NAT1: variants seen among roughly 807,000 people sequenced by gnomAD.
NAT1 encodes arylamine N-acetyltransferase 1.
For missense variants in NAT1, 400 were observed against 339.2 expected, an observed-to-expected ratio of 1.18 and a Z score of -1.41; for synonymous variants, 144 against 122.6, an observed-to-expected ratio of 1.17 and a Z score of -1.16.
chr8:18,210,524 T>C (rs1295252156), intron 1 of NAT1, among the ~76,000 whole-genome samples: 2 of 152,218 alleles, frequency 1.3e-5, no homozygotes, highest in Non-Finnish European at 2.9e-5. Flanking sequence ...TACATACGTG[T>C]ATTAAAAGAT....
intron 2 of NAT1, among the ~76,000 whole-genome samples, chr8:18,176,304 T>A (rs79690638): frequency 3.2e-3 from 483 of 152,204 alleles, no homozygotes; most frequent in African/African-American, 0.011. Context: ...ATGGAGAGTA[T>A]CCTCAATTTG....
At chr8:18,191,028 T>C (rs1802962353) in intron 2 of NAT1, among the ~76,000 whole-genome samples, 1 of 150,982 alleles carries the variant, frequency 6.6e-6, no homozygotes, top group African/African-American at 2.4e-5. Context: ...ATCACACCAC[T>C]GTGCTTCTGC....
chr8:18,197,035 C>T (rs1767324030), intron 2 of NAT1, among the ~76,000 whole-genome samples: 1 of 152,082 alleles, frequency 6.6e-6, no homozygotes, highest in African/African-American at 2.4e-5. Context: ...AACTTAAAAC[C>T]ACGGCGGAAG....
At chr8:18,183,579 T>C (rs573794232) in intron 2 of NAT1, among the ~76,000 whole-genome samples, 2 of 152,300 alleles carry the variant, frequency 1.3e-5, no homozygotes, top group Non-Finnish European at 2.9e-5. Context: ...GTCAGAAGAA[T>C]CTTCCTAGAT....
intron 2 of NAT1, among the ~76,000 whole-genome samples, chr8:18,195,606 A>T (rs143937994): frequency 1.6e-4 from 25 of 152,192 alleles, no homozygotes; most frequent in African/African-American, 4.6e-4. Context: ...TTTTTTTCTG[A>T]TTCAAAATGC....
intron 2 of NAT1, among the ~76,000 whole-genome samples, chr8:18,188,624 A>C (rs541298900): frequency 6.6e-6 from 1 of 152,150 alleles, no homozygotes; most frequent in Non-Finnish European, 1.5e-5. Context: ...AAAGTAAAAA[A>C]TAGTGGCTTT....
chr8:18,181,760 A>G (rs924287955), intron 2 of NAT1, among the ~76,000 whole-genome samples: 1 of 152,080 alleles, frequency 6.6e-6, no homozygotes, highest in African/African-American at 2.4e-5. Flanking sequence ...TTCCATATCC[A>G]GTTTGTTGAG....
At chr8:18,204,565 G>GAA (rs58348621) in intron 2 of NAT1, among the ~76,000 whole-genome samples, 115,040 of 151,924 alleles carry the variant, frequency 0.76, 44,203 homozygotes, top group African/African-American at 0.91. Context: ...ATATGATACA[G>GAA]AACAAAATAT....
At chr8:18,181,892 G>A (rs1802537909) in intron 2 of NAT1, among the ~76,000 whole-genome samples, 1 of 152,152 alleles carries the variant, frequency 6.6e-6, no homozygotes, top group Non-Finnish European at 1.5e-5. Flanking sequence ...CTGTCCCAGG[G>A]AAGGTCTAAA....
chr8:18,193,972 C>T (rs1189139196), intron 2 of NAT1, among the ~76,000 whole-genome samples: 2 of 152,122 alleles, frequency 1.3e-5, no homozygotes, highest in African/African-American at 2.4e-5. Flanking sequence ...CAAAAATATA[C>T]ACGGTTGCAT....
chr8:18,202,478 C>T (rs527999431), intron 2 of NAT1, among the ~76,000 whole-genome samples: 79 of 152,324 alleles, frequency 5.2e-4, no homozygotes, highest in Non-Finnish European at 9.0e-4. Context: ...AATGAAGCTG[C>T]GGACCTTTGC....
chr8:18,192,998 A>C (rs1307663579), intron 2 of NAT1, among the ~76,000 whole-genome samples: 1 of 151,724 alleles, frequency 6.6e-6, no homozygotes, highest in Non-Finnish European at 1.5e-5. Context: ...AATAATAATA[A>C]AAAATAAAAT....
intron 2 of NAT1, among the ~76,000 whole-genome samples, chr8:18,172,632 A>G (rs1029187798): frequency 6.6e-6 from 1 of 152,196 alleles, no homozygotes; most frequent in Non-Finnish European, 1.5e-5. Context: ...GTGGTAAACT[A>G]GGACTCTTAA....
chr8:18,187,687 C>A (rs1802798047), intron 2 of NAT1, among the ~76,000 whole-genome samples: 2 of 151,876 alleles, frequency 1.3e-5, no homozygotes, highest in African/African-American at 4.8e-5. Context: ...GAATAACACA[C>A]ACTGGGGCCT....
chr8:18,212,254 T>A (rs1156641485), intron 1 of NAT1: 5 of 152,194 alleles, frequency 3.3e-5, no homozygotes, highest in African/African-American at 4.8e-5. Context: ...CAATAGTTGG[T>A]CAACTGTTGA....
rs570024822 is a variant in NAT1 at position 18,184,898 on chromosome 8, T to C, written n.92+14159T>C. 1.6e-4 allele frequency among the ~76,000 whole-genome samples: 25 copies of C among 152,368 alleles called. 1 individual carries two copies. The highest frequency in any genetic ancestry group is 5.8e-4 in the African/African-American group (24 of 41,598). ...TAATGCATGCTTGTGCAAAATTCTA[T>C]GACATTTTATCAAATGTACAGTGAT... On this transcript the variant is annotated intron_variant and non_coding_transcript_variant, in intron 2 of 4. Coordinates refer to the NAT1 transcript ENST00000517441.
Position 18,195,813 on chromosome 8 carries a change from C to G in NAT1, n.93-13968C>G, listed in dbSNP as rs552375400. Among the ~76,000 whole-genome samples, 12 of 152,098 alleles carry G rather than the reference C, an allele frequency of 7.9e-5. No individual in the cohort carries two copies. In the East Asian group the frequency reaches 1.7e-3, roughly 22 times the overall value. ...CCAGGTTCACTTTCAAAGTCGTGTT[C>G]AGGAACTTCTCCTTGCATTCTACCT... is the stretch of plus-strand genomic sequence containing the variant. On this transcript the variant is annotated intron_variant and non_coding_transcript_variant, in intron 2 of 4. Coordinates refer to the NAT1 transcript ENST00000517441.
At chr8:18,187,786 T>C (rs907623145) in intron 2 of NAT1, among the ~76,000 whole-genome samples, 3 of 152,066 alleles carry the variant, frequency 2.0e-5, no homozygotes, top group African/African-American at 7.2e-5. Flanking sequence ...TGAAATAATC[T>C]GTACACCAAA....
At chr8:18,173,890 T>G (rs1025671479) in intron 2 of NAT1, among the ~76,000 whole-genome samples, 2 of 152,060 alleles carry the variant, frequency 1.3e-5, no homozygotes, top group African/African-American at 2.4e-5. Flanking sequence ...CATATTATAG[T>G]TATAGTTTCA....
Sources: allele counts gnomAD v4.1 joint callset (sites outside exome capture counted in the v4.1 genomes callset), GRCh38; gene constraint gnomAD v4.1.1; transcripts MANE v1.5; gene names NCBI Gene and HGNC (gene_info 2026-07-23, HGNC 2026-07-21).